DENND4A: variants seen among roughly 807,000 people sequenced by gnomAD.
DENND4A encodes DENN domain containing 4A, also known as C-myc promoter-binding protein.
A neutral mutation model predicts 199.3 loss-of-function variants in DENND4A; 70 were observed. The observed-to-expected ratio is 0.35, with a 90% CI of 0.29 to 0.43. The LOEUF is 0.43. Ranked by LOEUF, DENND4A falls within the 20% of genes least tolerant of loss-of-function variation. The pLI, the probability that DENND4A is intolerant of heterozygous loss-of-function variation, is 1.00. For missense variants in DENND4A, 1,723 were observed against 2,255.8 expected (o/e 0.76, Z 4.78); for synonymous variants, 686 against 766.9 (o/e 0.89, Z 1.74).
rs1466013935 is a variant in DENND4A at position 65,756,476 on chromosome 15, A to C, written c.-22-4T>G. 1 of 1,563,566 alleles carries C rather than the reference A, an allele frequency of 6.4e-7. No homozygotes were observed. Among genetic ancestry groups the C allele is most frequent in the South Asian group, 1.2e-5 (1 of 81,264 alleles). ...CTTCCATTACAGAAGGTTACATCTA[A>C]AAGGAAAGTAAAAGACTAGTACTCC... On this transcript the variant is annotated splice_region_variant and splice_polypyrimidine_tract_variant and intron_variant, in intron 2 of 32. Coordinates refer to ENST00000443035, the MANE Select transcript of DENND4A (RefSeq NM_001320835.1).
chr15:65,707,900 G>T lies in DENND4A; in HGVS notation c.1954-1676C>A, dbSNP rs573901495. Among the ~76,000 whole-genome samples, 171 of 151,844 alleles carry T rather than the reference G, an allele frequency of 1.1e-3. 1 individual carries two copies. Among genetic ancestry groups the T allele is most frequent in the African/African-American group, 3.7e-3 (153 of 41,404 alleles). On this transcript the variant is annotated intron_variant, in intron 14 of 32. Transcript: ENST00000443035. ...AGGGTTTTACCATGTTGGCCAGGCT[G>T]GTCAGGAGCTCCTGACCTTAGGTGA...
chr15:65,737,992 T>G (rs200364121), intron 6 of DENND4A, 47 bp from the exon 7 acceptor site: 2 of 1,499,900 alleles, frequency 1.3e-6, no homozygotes, highest in Admixed American at 2.2e-5. Context: ...GTATCATATA[T>G]CCAAATCACA....
At chr15:65,744,730 T>C (rs923138714) in intron 4 of DENND4A, among the ~76,000 whole-genome samples, 1 of 152,226 alleles carries the variant, frequency 6.6e-6, no homozygotes, top group African/African-American at 2.4e-5. Context: ...AAGCTTTTAG[T>C]GTCTGAACTT....
At chr15:65,671,670 G>A (rs1183381829) in intron 25 of DENND4A, 122 bp downstream of exon 25, 12 of 690,836 alleles carry the variant, frequency 1.7e-5, no homozygotes, top group South Asian at 7.4e-5. Context: ...GATTACAGGC[G>A]TGAGCCACCG....
chr15:65,767,609 C>A (rs112318603), intron 1 of DENND4A, among the ~76,000 whole-genome samples: 1 of 152,032 alleles, frequency 6.6e-6, no homozygotes, highest in East Asian at 1.9e-4. Flanking sequence ...GTAATCCAAC[C>A]AGGAATAATT....
chr15:65,691,465 A>C lies in DENND4A; in HGVS notation c.3129T>G (p.Asn1043Lys), dbSNP rs1485591387. 1.9e-6 allele frequency: 3 copies of C among 1,612,034 alleles called. No individual in the cohort carries two copies. In the South Asian group the frequency reaches 3.3e-5, roughly 18 times the overall value. The change falls in exon 23 of 33, where the codon AAT (asparagine) becomes AAG (lysine). Residue 1043 changes from asparagine to lysine, a missense_variant. Physicochemically the swap from Asn to Lys is moderately conservative, Grantham distance 94. Around this residue, in one of 6 missense-constraint regions of DENND4A, gnomAD observed 650 missense variants for 738.1 expected, o/e 0.88. Coordinates refer to ENST00000443035, the MANE Select transcript of DENND4A (RefSeq NM_001320835.1). ...ATCTACTTTGAATGTTTCGTGTTTC[A>C]TTTGTATCTTCAAGAGATGATATTA... is the stretch of plus-strand genomic sequence containing the variant. Reference protein sequence around the residue: ...LLLISSLEDTNETRNIQSRCF... With the variant: ...LLLISSLEDTKETRNIQSRCF...
At chr15:65,783,185 A>G (rs575986575) in intron 1 of DENND4A, among the ~76,000 whole-genome samples, 71 of 152,342 alleles carry the variant, frequency 4.7e-4, no homozygotes, top group African/African-American at 1.6e-3. Flanking sequence ...CTAACAACAA[A>G]AAGAACTGTA....
intron 14 of DENND4A, among the ~76,000 whole-genome samples, chr15:65,710,415 C>T (rs1426814564): frequency 6.6e-6 from 1 of 152,106 alleles, no homozygotes; most frequent in Non-Finnish European, 1.5e-5. Context: ...CCAATTTGGT[C>T]CCTTATGATT....
At chr15:65,721,227 A>G (rs1192909233) in intron 12 of DENND4A, among the ~76,000 whole-genome samples, 1 of 151,990 alleles carries the variant, frequency 6.6e-6, no homozygotes, top group Non-Finnish European at 1.5e-5. Context: ...TATTACATGC[A>G]TGATTTATTT....
At chr15:65,696,858 C>T (rs747419309) in intron 21 of DENND4A, 2 of 309,562 alleles carry the variant, frequency 6.5e-6, no homozygotes, top group Non-Finnish European at 1.3e-5. Flanking sequence ...GTGCTGATGT[C>T]GTAACAAGGT....
At position 65,690,778 on chromosome 15, in the gene DENND4A, T is replaced by C. The variant is rs746524922; in HGVS notation, c.3816A>G (p.Leu1272=). Residue 1272 remains leucine, a synonymous_variant, in exon 23 of 33, where the codon TTA becomes TTG. Coordinates refer to ENST00000443035, the MANE Select transcript of DENND4A (RefSeq NM_001320835.1). ...PLTSRTPSID[L]QRACDDKLNK... ...TTAATTTATCATCACATGCCCGTTG[T>C]AAATCAATGCTTGGTGTACGACTTG... The C allele has an allele frequency of 1.2e-6, 2 of 1,613,562 alleles. No individual in the cohort carries two copies. The highest frequency in any genetic ancestry group is 1.6e-4 in the Middle Eastern group (1 of 6,062).
At chr15:65,683,199 C>T (rs879535840) in intron 23 of DENND4A, among the ~76,000 whole-genome samples, 9 of 152,150 alleles carry the variant, frequency 5.9e-5, no homozygotes, top group African/African-American at 2.2e-4. Flanking sequence ...AAAATGAGAC[C>T]TGCCTACGCT....
At chr15:65,752,041 T>C (rs1053535272) in intron 4 of DENND4A, among the ~76,000 whole-genome samples, 18 of 132,350 alleles carry the variant, frequency 1.4e-4, no homozygotes, top group African/African-American at 5.2e-4. Flanking sequence ...TGTCTTCAAA[T>C]GGGTAAATTG....
intron 18 of DENND4A, among the ~76,000 whole-genome samples, chr15:65,701,509 G>A (rs1320487399): frequency 6.6e-6 from 1 of 152,286 alleles, no homozygotes; most frequent in Middle Eastern, 3.4e-3. Context: ...CAAGGCTACA[G>A]TGAACCATGA....
chr15:65,699,703 A>G (rs1382717538), intron 20 of DENND4A, among the ~76,000 whole-genome samples: 2 of 148,870 alleles, frequency 1.3e-5, no homozygotes, highest in Admixed American at 6.7e-5. Context: ...TTTTTGAGAC[A>G]GGGTCTCGCT....
At chr15:65,665,770 C>T (rs1339193498) in intron 29 of DENND4A, among the ~76,000 whole-genome samples, 3 of 152,172 alleles carry the variant, frequency 2.0e-5, no homozygotes, top group African/African-American at 7.2e-5. Flanking sequence ...GGAGTCCCAT[C>T]CTATATCATC....
chr15:65,734,194 G>A (rs890553653), intron 7 of DENND4A, among the ~76,000 whole-genome samples: 39 of 152,212 alleles, frequency 2.6e-4, no homozygotes, highest in Admixed American at 2.0e-4. Context: ...TATAAAACCC[G>A]ATTGTACGTT....
In DENND4A at chr15:65,680,729, T is replaced by G. The variant is rs1056429235; in HGVS notation, c.4180-4095A>C. ...ATGGCAGGTTCAGTTCCAGACCACCTCAACAAAACAAATGTCGCAATAAAG... is the reference window on the plus strand; with the variant it reads ...ATGGCAGGTTCAGTTCCAGACCACCGCAACAAAACAAATGTCGCAATAAAG... On this transcript the variant is annotated intron_variant, in intron 23 of 32. Transcript: ENST00000443035. 5 of 152,170 alleles carry G rather than the reference T, an allele frequency of 3.3e-5. No homozygotes were observed. In the East Asian group the frequency reaches 9.7e-4, roughly 29 times the overall value. 9.4% of individuals were successfully genotyped at this position (152,170 alleles called of 1,614,324 possible).
chr15:65,672,877 T>C (rs1383306286), intron 24 of DENND4A, among the ~76,000 whole-genome samples: 3 of 151,744 alleles, frequency 2.0e-5, no homozygotes, highest in Non-Finnish European at 4.4e-5. Flanking sequence ...GTATTTTTTT[T>C]TTTTTGAGAC....
Sources: allele counts gnomAD v4.1 joint callset (sites outside exome capture counted in the v4.1 genomes callset), GRCh38; gene constraint gnomAD v4.1.1; regional missense constraint gnomAD v4.1.1; transcripts MANE v1.5; gene names NCBI Gene and HGNC (gene_info 2026-07-23, HGNC 2026-07-21).